RHOJ: variants seen among roughly 807,000 people sequenced by gnomAD.
RHOJ encodes rho-related GTP-binding protein RhoJ.
RHOJ carries 11 observed loss-of-function variants against 23.4 expected under a neutral mutation model. That is an observed-to-expected ratio of 0.47 (90% confidence interval 0.30 to 0.78). RHOJ has a LOEUF of 0.78. RHOJ is among the 30% of genes least tolerant of loss of function. The pLI, the probability that RHOJ is intolerant of heterozygous loss-of-function variation, is 0.08. For synonymous variants in RHOJ, 102 were observed against 102.7 expected (o/e 0.99, Z 0.04); for missense variants, 254 against 273.4 (o/e 0.93, Z 0.50).
chr14:63,282,124 C>A (rs1881923184), intron 3 of RHOJ, among the ~76,000 whole-genome samples: 1 of 152,150 alleles, frequency 6.6e-6, no homozygotes, highest in African/African-American at 2.4e-5. Flanking sequence ...TAAATGAAGT[C>A]TTTTGCCTTG....
intron 1 of RHOJ, among the ~76,000 whole-genome samples, chr14:63,267,823 T>C (rs1287406921): frequency 6.6e-6 from 1 of 152,256 alleles, no homozygotes; most frequent in Non-Finnish European, 1.5e-5. Context: ...TCTGAGCGGC[T>C]GCAGCCATGT....
Position 63,204,659 on chromosome 14 carries a change from C to G in RHOJ, c.-211C>G. The G allele has an allele frequency of 1.7e-6, 1 of 592,994 alleles. No homozygotes were observed. The highest frequency in any genetic ancestry group is 3.0e-6 in the Non-Finnish European group (1 of 333,772). The allele number at this position is 592,994 out of a possible 1,614,324, so 36.7% of individuals were successfully genotyped here. ...AGAGCGGAAAGGGGCAGACCCTTTT[C>G]ATAACTCCCTCAAGTGTGTGTTACC... On this transcript the variant is annotated 5_prime_UTR_variant, in exon 1 of 5. Transcript: ENST00000316754.
At chr14:63,285,411 T>TC (rs983957201) in intron 4 of RHOJ, among the ~76,000 whole-genome samples, 4 of 152,062 alleles carry the variant, frequency 2.6e-5, no homozygotes, top group Non-Finnish European at 2.9e-5. Context: ...TGTGCAAAGT[T>TC]CCCCCCCAAC....
chr14:63,279,397 A>C (rs553890736), intron 2 of RHOJ, among the ~76,000 whole-genome samples: 1 of 152,358 alleles, frequency 6.6e-6, no homozygotes, highest in East Asian at 1.9e-4. Flanking sequence ...TGTATATATA[A>C]ATATGGTATG....
chr14:63,225,420 A>G (rs1006587230), intron 1 of RHOJ, among the ~76,000 whole-genome samples: 6 of 152,188 alleles, frequency 3.9e-5, no homozygotes, highest in African/African-American at 1.4e-4. Context: ...TCCCATAAAC[A>G]TTGAAAATCT....
At chr14:63,255,703 T>A (rs529194467) in intron 1 of RHOJ, among the ~76,000 whole-genome samples, 114 of 152,246 alleles carry the variant, frequency 7.5e-4, no homozygotes, top group Admixed American at 2.3e-3. Context: ...AATCCAGGTG[T>A]GAGCTTTCCT....
intron 4 of RHOJ, chr14:63,284,317 C>T: frequency 1.0e-6 from 1 of 985,332 alleles, no homozygotes; most frequent in Non-Finnish European, 1.2e-6. Context: ...AGATACTGAA[C>T]TCTTCCTACT....
At chr14:63,230,797 A>G (rs191171577) in intron 1 of RHOJ, among the ~76,000 whole-genome samples, 1 of 149,532 alleles carries the variant, frequency 6.7e-6, no homozygotes, top group Admixed American at 6.6e-5. Flanking sequence ...TGCACTCAAT[A>G]AATATTTTTG....
rs371675508 is a variant in RHOJ at position 63,229,690 on chromosome 14, C to G, written c.178+24643C>G. Among the ~76,000 whole-genome samples, 116 of 152,260 alleles carry G rather than the reference C, an allele frequency of 7.6e-4. 5 individuals are homozygous for G. The South Asian group carries it at 0.023, about 30-fold the overall frequency. On this transcript the variant is annotated intron_variant, in intron 1 of 4. Coordinates refer to ENST00000316754, the MANE Select transcript of RHOJ (RefSeq NM_020663.5). Reference sequence around the variant, plus strand: ...TCTCTTGTTTTAAATATCTAATTTTCCCTTCTGCTACCAGCTAGAGAAGAC... The same window carrying G: ...TCTCTTGTTTTAAATATCTAATTTTGCCTTCTGCTACCAGCTAGAGAAGAC...
chr14:63,250,686 C>G (rs1448119866), intron 1 of RHOJ, among the ~76,000 whole-genome samples: 1 of 152,170 alleles, frequency 6.6e-6, no homozygotes, highest in African/African-American at 2.4e-5. Flanking sequence ...CTGCTCAGGG[C>G]TCAGTTTCAA....
intron 1 of RHOJ, among the ~76,000 whole-genome samples, chr14:63,249,703 T>C (rs149024105): frequency 2.9e-4 from 44 of 152,352 alleles, no homozygotes; most frequent in African/African-American, 1.0e-3. Flanking sequence ...TAAGCTTATA[T>C]GTTATACCTC....
chr14:63,279,880 G>A (rs1881844672), intron 2 of RHOJ, among the ~76,000 whole-genome samples: 1 of 152,112 alleles, frequency 6.6e-6, no homozygotes. Context: ...ATCGTGTGAG[G>A]AGAGGATTCC....
At chr14:63,208,599 C>G (rs190064686) in intron 1 of RHOJ, among the ~76,000 whole-genome samples, 2 of 152,216 alleles carry the variant, frequency 1.3e-5, no homozygotes, top group Non-Finnish European at 2.9e-5. Flanking sequence ...CCACATTCTC[C>G]TGGTTTTGTT....
At chr14:63,267,025 T>C (rs1895380928) in intron 1 of RHOJ, among the ~76,000 whole-genome samples, 1 of 152,212 alleles carries the variant, frequency 6.6e-6, no homozygotes. Context: ...GCCCATGCTT[T>C]ACCAGGAAAC....
chr14:63,260,371 T>A (rs1318112251), intron 1 of RHOJ, among the ~76,000 whole-genome samples: 1 of 152,178 alleles, frequency 6.6e-6, no homozygotes, highest in Non-Finnish European at 1.5e-5. Flanking sequence ...ATTATAAGCT[T>A]GGTCCTACAG....
chr14:63,289,560 A>G (rs1427064877), intron 4 of RHOJ, among the ~76,000 whole-genome samples: 1 of 152,250 alleles, frequency 6.6e-6, no homozygotes, highest in African/African-American at 2.4e-5. Flanking sequence ...AGATGTCCTT[A>G]ATAGTAAAAG....
intron 2 of RHOJ, among the ~76,000 whole-genome samples, chr14:63,271,567 C>G (rs979629040): frequency 2.6e-5 from 4 of 152,154 alleles, no homozygotes; most frequent in African/African-American, 9.7e-5. Flanking sequence ...GGGTGGGACC[C>G]AAGAATTTGC....
chr14:63,261,498 A>T (rs1435291423), intron 1 of RHOJ, among the ~76,000 whole-genome samples: 1 of 151,722 alleles, frequency 6.6e-6, no homozygotes, highest in African/African-American at 2.4e-5. Context: ...TGCCAAAAAC[A>T]TGGCTCACTG....
intron 1 of RHOJ, among the ~76,000 whole-genome samples, chr14:63,264,106 T>C (rs1895323171): frequency 6.6e-6 from 1 of 152,112 alleles, no homozygotes; most frequent in South Asian, 2.1e-4. Context: ...CTGAGTACTA[T>C]GCTTACTACA....
Sources: allele counts gnomAD v4.1 joint callset (sites outside exome capture counted in the v4.1 genomes callset), GRCh38; gene constraint gnomAD v4.1.1; transcripts MANE v1.5; gene names NCBI Gene and HGNC (gene_info 2026-07-23, HGNC 2026-07-21).